The following CDH19 variants were observed in gnomAD, a reference collection of about 807,000 sequenced individuals.
CDH19 encodes the protein cadherin-19.
In CDH19, 67 loss-of-function variants were observed where a neutral mutation model predicts 64.2. That is an observed-to-expected ratio of 1.04 (90% CI 0.86 to 1.28). The LOEUF is 1.28. CDH19 is among the 50% of genes most tolerant of loss of function. The pLI is 0.00. For synonymous variants in CDH19, 346 were observed against 319.3 expected (o/e 1.08, Z -0.89); for missense variants, 1,030 against 929.0 (o/e 1.11, Z -1.41).
In CDH19 at chr18:66,550,961, A is replaced by G. The variant is rs1599007252; in HGVS notation, c.775+133T>C. The G allele has an allele frequency of 1.2e-5, 6 of 515,696 alleles. No homozygotes were observed. In the East Asian group the frequency reaches 1.8e-4, roughly 16 times the overall value. 31.9% of individuals were successfully genotyped at this position (515,696 alleles called of 1,614,324 possible). A position where few individuals can be genotyped will look rare whatever the true frequency, so the allele number is the denominator to read the frequency against. On this transcript the variant is annotated intron_variant, in intron 5 of 11. Coordinates refer to ENST00000262150, the MANE Select transcript of CDH19 (RefSeq NM_021153.4). ...ACATGAATTAAAATAATCATACCAGAACAATTGACAAATTTATTTTATATA... is the reference window on the plus strand; with the variant it reads ...ACATGAATTAAAATAATCATACCAGGACAATTGACAAATTTATTTTATATA...
intron 8 of CDH19, among the ~76,000 whole-genome samples, chr18:66,530,544 G>A (rs1401485977): frequency 1.3e-5 from 2 of 151,788 alleles, no homozygotes; most frequent in Non-Finnish European, 2.9e-5. Flanking sequence ...TCTAAATAAA[G>A]TTTTTATATA....
chr18:66,587,316 G>A (rs905872697), intron 1 of CDH19, among the ~76,000 whole-genome samples: 53 of 152,028 alleles, frequency 3.5e-4, no homozygotes, highest in African/African-American at 1.1e-3. Context: ...ATGCTAACTG[G>A]TGCTGGTTAC....
At chr18:66,601,290 A>T (rs146352693) in intron 1 of CDH19, among the ~76,000 whole-genome samples, 3 of 151,888 alleles carry the variant, frequency 2.0e-5, no homozygotes, top group African/African-American at 7.2e-5. Context: ...CTTTTCTGTG[A>T]TGTATTTATG....
chr18:66,543,826 T>G, intron 7 of CDH19, 145 bp downstream of exon 7: 1 of 592,996 alleles, frequency 1.7e-6, no homozygotes, highest in East Asian at 3.0e-5. Context: ...GAGGTGGCAA[T>G]GAGCTGAGAT....
At chr18:66,535,176 T>C in intron 7 of CDH19, 69 bp from the exon 8 acceptor site, 1 of 960,210 alleles carries the variant, frequency 1.0e-6, no homozygotes. Context: ...ATAATACTCT[T>C]TAAGCAATAA....
At chr18:66,577,202 A>G (rs557859330) in intron 1 of CDH19, among the ~76,000 whole-genome samples, 1 of 152,000 alleles carries the variant, frequency 6.6e-6, no homozygotes, top group African/African-American at 2.4e-5. Flanking sequence ...ACAAAATAAA[A>G]TTCCAAACAG....
At chr18:66,571,876 T>G (rs549816120) in intron 2 of CDH19, 134 bp downstream of exon 2, 1 of 579,522 alleles carries the variant, frequency 1.7e-6, no homozygotes, top group African/African-American at 1.9e-5. Context: ...CTGAAACAAT[T>G]ATTGATGCTG....
chr18:66,561,762 A>G (rs1987731664), intron 3 of CDH19, among the ~76,000 whole-genome samples: 1 of 152,102 alleles, frequency 6.6e-6, no homozygotes, highest in Non-Finnish European at 1.5e-5. Flanking sequence ...ATTCTCTTAG[A>G]ATCATACTTT....
At chr18:66,528,697 G>A (rs1021679050) in intron 9 of CDH19, among the ~76,000 whole-genome samples, 8 of 152,036 alleles carry the variant, frequency 5.3e-5, no homozygotes, top group African/African-American at 1.7e-4. Flanking sequence ...TTAATAATCA[G>A]TAACAGTTAA....
intron 2 of CDH19, among the ~76,000 whole-genome samples, chr18:66,570,718 T>C (rs912233824): frequency 1.3e-5 from 2 of 151,608 alleles, no homozygotes; most frequent in African/African-American, 4.8e-5. Context: ...TAAATATGTC[T>C]CTGAAATGAA....
intron 3 of CDH19, among the ~76,000 whole-genome samples, chr18:66,558,334 T>C (rs1209558844): frequency 6.6e-6 from 1 of 151,568 alleles, no homozygotes. Context: ...ACCCTAATTA[T>C]CTTTGTTTAT....
rs1228523597 is a variant in CDH19 at position 66,572,163 on chromosome 18, A to C, written c.42T>G (p.Pro14=). Residue 14 remains proline (P), a synonymous_variant, in exon 2 of 12, where the codon CCT becomes CCG. Transcript: ENST00000262150. ...TTGCTCCAAGACAAGGCCATAGGAG[A>C]GGAATTCCCAACATAAAACGCAGCA... is the stretch of plus-strand genomic sequence containing the variant. ...YLLLRFMLGI[P]LLWPCLGATE... The C allele has an allele frequency of 6.2e-7, 1 of 1,611,230 alleles. No homozygotes were observed. Among genetic ancestry groups the C allele is most frequent in the South Asian group, 1.1e-5 (1 of 90,978 alleles).
chr18:66,583,447 G>A (rs1476168258), intron 1 of CDH19, among the ~76,000 whole-genome samples: 5 of 151,890 alleles, frequency 3.3e-5, no homozygotes, highest in Admixed American at 2.6e-4. Flanking sequence ...CAGGTACTAC[G>A]CCTAGTACCC....
intron 8 of CDH19, chr18:66,532,733 G>C (rs1193634980): frequency 6.6e-6 from 3 of 451,450 alleles, no homozygotes; most frequent in Admixed American, 4.8e-5. Flanking sequence ...GGAAGGATAG[G>C]AGACTCATTT....
In CDH19 at chr18:66,544,918, T is replaced by C. The variant is rs766893756; in HGVS notation, c.776-15A>G. ...GCGGTATAAACCTTTAAAAACAAAA[T>C]TGGAGGTATTTTGGATAAATACTTA... On this transcript the variant is annotated splice_polypyrimidine_tract_variant and intron_variant, in intron 5 of 11. Transcript: ENST00000262150. 10 of 1,543,296 alleles carry C rather than the reference T, an allele frequency of 6.5e-6. No individual in the cohort carries two copies. Among genetic ancestry groups the C allele is most frequent in the South Asian group, 2.5e-5 (2 of 79,734 alleles).
chr18:66,583,608 C>T (rs1259502108), intron 1 of CDH19, among the ~76,000 whole-genome samples: 1 of 151,984 alleles, frequency 6.6e-6, no homozygotes, highest in Non-Finnish European at 1.5e-5. Flanking sequence ...TTGCCTGTTC[C>T]TGAGTGAGTT....
chr18:66,566,323 T>C (rs986401860), intron 3 of CDH19, among the ~76,000 whole-genome samples: 1 of 151,404 alleles, frequency 6.6e-6, no homozygotes, highest in African/African-American at 2.4e-5. Flanking sequence ...AGAAGTTATG[T>C]CCTTTTACTT....
At chr18:66,536,500 T>G (rs1986676710) in intron 7 of CDH19, among the ~76,000 whole-genome samples, 1 of 151,852 alleles carries the variant, frequency 6.6e-6, no homozygotes, top group South Asian at 2.1e-4. Flanking sequence ...TAATCCTATT[T>G]CTGTAAAATG....
intron 7 of CDH19, among the ~76,000 whole-genome samples, chr18:66,543,464 T>C (rs182141308): frequency 1.3e-5 from 2 of 152,176 alleles, no homozygotes; most frequent in African/African-American, 4.8e-5. Context: ...ATTGCCTCCT[T>C]CTTGCACGTG....
Sources: gnomAD v4.1 joint callset for allele counts (sites outside exome capture counted in the v4.1 genomes callset) on GRCh38, gnomAD v4.1.1 for gene constraint, MANE v1.5 for transcripts, NCBI Gene and HGNC (gene_info 2026-07-23, HGNC 2026-07-21) for gene names.